Variants in BACH2 observed in about 807,000 individuals in gnomAD.
BACH2 encodes the protein transcription regulator protein BACH2.
A neutral mutation model predicts 61.8 loss-of-function variants in BACH2; 5 were observed. The observed-to-expected ratio is 0.08, with a 90% CI of 0.04 to 0.17. BACH2 has a LOEUF of 0.17. BACH2 is among the 10% of genes least tolerant of loss of function. The pLI is 1.00. For synonymous variants in BACH2, 446 were observed against 440.1 expected (o/e 1.01, Z -0.17); for missense variants, 824 against 1,091.1 (o/e 0.76, Z 3.45).
At chr6:89,953,640 A>C (rs1198161222) in intron 6 of BACH2, among the ~76,000 whole-genome samples, 1 of 152,196 alleles carries the variant, frequency 6.6e-6, no homozygotes, top group Non-Finnish European at 1.5e-5. Flanking sequence ...CCTTGCATCT[A>C]ATCTAACCTG....
chr6:90,026,082 T>C (rs1310643956), intron 5 of BACH2, among the ~76,000 whole-genome samples: 1 of 151,884 alleles, frequency 6.6e-6, no homozygotes, highest in Non-Finnish European at 1.5e-5. Context: ...AAAAACCAAG[T>C]CAAAACTCAC....
intron 4 of BACH2, among the ~76,000 whole-genome samples, chr6:90,165,783 G>A (rs1003179923): frequency 3.3e-5 from 5 of 152,146 alleles, no homozygotes; most frequent in South Asian, 2.1e-4. Context: ...TCTTTGACAA[G>A]CCTGAGAAAA....
chr6:89,952,028 A>G lies in BACH2; in HGVS notation c.244-166T>C, dbSNP rs1774159255. On this transcript the variant is annotated intron_variant, in intron 6 of 8. Transcript: ENST00000257749. ...GGTCAGCAATGATTCTGCTTCCAAT[A>G]ATTAGTGCCTGTCTCGTGCATGCCA... 7.8e-6 allele frequency: 6 copies of G among 770,528 alleles called. No individual in the cohort carries two copies. The South Asian group carries it at 9.3e-5, about 12-fold the overall frequency. The allele number at this position is 770,528 out of a possible 1,614,324, so 47.7% of individuals were successfully genotyped here.
chr6:90,082,461 A>G (rs2127805366), intron 5 of BACH2, among the ~76,000 whole-genome samples: 1 of 152,300 alleles, frequency 6.6e-6, no homozygotes, highest in African/African-American at 2.4e-5. Flanking sequence ...AAAAAAAAGT[A>G]ACAAGGAGAT....
chr6:90,295,281 C>G (rs1772305344), intron 1 of BACH2, among the ~76,000 whole-genome samples: 1 of 152,252 alleles, frequency 6.6e-6, no homozygotes, highest in South Asian at 2.1e-4. Flanking sequence ...AGTTACCAAA[C>G]TCGCCTACGC....
At chr6:90,288,816 T>C (rs899466363) in intron 1 of BACH2, among the ~76,000 whole-genome samples, 1 of 152,216 alleles carries the variant, frequency 6.6e-6, no homozygotes, top group Non-Finnish European at 1.5e-5. Flanking sequence ...ACTCTACCTC[T>C]TACAGGTATA....
At chr6:89,973,719 G>C (rs1178023331) in intron 6 of BACH2, among the ~76,000 whole-genome samples, 1 of 151,942 alleles carries the variant, frequency 6.6e-6, no homozygotes, top group Non-Finnish European at 1.5e-5. Context: ...AATCTGCCTA[G>C]CTGGTTGCCT....
chr6:90,219,073 G>GA (rs34688750), intron 3 of BACH2, among the ~76,000 whole-genome samples: 2 of 151,688 alleles, frequency 1.3e-5, no homozygotes, highest in Admixed American at 1.3e-4. Flanking sequence ...GTAAAAAAAA[G>GA]AAAAAAAATT....
chr6:90,166,311 T>C (rs1582440158), intron 4 of BACH2, among the ~76,000 whole-genome samples: 1 of 151,760 alleles, frequency 6.6e-6, no homozygotes. Context: ...AAAATGCTCA[T>C]CATCACTGGC....
intron 4 of BACH2, among the ~76,000 whole-genome samples, chr6:90,166,926 G>A (rs1767643883): frequency 7.1e-6 from 1 of 141,128 alleles, no homozygotes; most frequent in Admixed American, 7.0e-5. Flanking sequence ...GGAGGGGGGA[G>A]GAATAGTATT....
At chr6:90,119,324 A>G (rs756058543) in intron 4 of BACH2, among the ~76,000 whole-genome samples, 5 of 152,194 alleles carry the variant, frequency 3.3e-5, no homozygotes, top group Non-Finnish European at 5.9e-5. Flanking sequence ...GTTAGTTTCA[A>G]TCGACAACTA....
intron 4 of BACH2, among the ~76,000 whole-genome samples, chr6:90,154,265 T>C (rs1784918411): frequency 6.6e-6 from 1 of 151,958 alleles, no homozygotes; most frequent in African/African-American, 2.4e-5. Flanking sequence ...GAGTGACAGA[T>C]GAGATGAACA....
intron 6 of BACH2, among the ~76,000 whole-genome samples, chr6:89,987,410 G>T (rs2128364472): frequency 6.6e-6 from 1 of 152,208 alleles, no homozygotes; most frequent in East Asian, 1.9e-4. Flanking sequence ...GTGTGTGAGG[G>T]ATCACACTGA....
At chr6:90,094,961 A>C (rs894371061) in intron 4 of BACH2, among the ~76,000 whole-genome samples, 3 of 152,212 alleles carry the variant, frequency 2.0e-5, no homozygotes, top group Non-Finnish European at 2.9e-5. Context: ...CTTAGTTCTA[A>C]AAATACAAAT....
intron 5 of BACH2, among the ~76,000 whole-genome samples, chr6:90,023,492 C>T (rs1313124340): frequency 6.6e-6 from 1 of 152,200 alleles, no homozygotes; most frequent in South Asian, 2.1e-4. Flanking sequence ...TCCCCACAAG[C>T]AGATACCACC....
intron 4 of BACH2, among the ~76,000 whole-genome samples, chr6:90,174,890 T>C (rs1767936225): frequency 6.6e-6 from 1 of 151,386 alleles, no homozygotes. Context: ...GGTAAAATTA[T>C]ATGTGGTACA....
chr6:89,939,864 G>C (rs1367027573), intron 7 of BACH2, among the ~76,000 whole-genome samples: 7 of 126,276 alleles, frequency 5.5e-5, no homozygotes, highest in African/African-American at 2.1e-4. Context: ...GAGGTCTTGC[G>C]CCACAGAGAA....
intron 6 of BACH2, among the ~76,000 whole-genome samples, chr6:89,990,222 G>A (rs765259936): frequency 2.6e-5 from 4 of 152,066 alleles, no homozygotes; most frequent in South Asian, 2.1e-4. Flanking sequence ...GACAGGAGTC[G>A]GTGCAAACTG....
intron 4 of BACH2, among the ~76,000 whole-genome samples, chr6:90,173,784 A>C (rs571464525): frequency 2.9e-3 from 436 of 152,310 alleles, no homozygotes; most frequent in Non-Finnish European, 4.9e-3. Context: ...GCCAAAATTC[A>C]TCAAACTGTA....
Sources: gnomAD v4.1 joint callset for allele counts (sites outside exome capture counted in the v4.1 genomes callset) on GRCh38, gnomAD v4.1.1 for gene constraint, MANE v1.5 for transcripts, NCBI Gene and HGNC (gene_info 2026-07-23, HGNC 2026-07-21) for gene names.